Variants in MARCO observed in about 807,000 individuals in gnomAD.
MARCO encodes macrophage receptor with collagenous structure.
In MARCO, 72 loss-of-function variants were observed where a neutral mutation model predicts 70.0. The observed-to-expected ratio is 1.03, with a 90% CI of 0.85 to 1.25. The LOEUF (loss-of-function observed/expected upper bound fraction) is 1.25, where lower values mean the gene tolerates loss of function less well. MARCO is among the 50% of genes most tolerant of loss of function. MARCO has a pLI of 0.00. For missense variants in MARCO, 696 were observed against 659.3 expected, an observed-to-expected ratio of 1.06 and a Z score of -0.61; for synonymous variants, 273 against 243.1, an observed-to-expected ratio of 1.12 and a Z score of -1.14.
intron 9 of MARCO, 46 bp from the exon 10 acceptor site, chr2:118,981,575 T>C: frequency 6.3e-7 from 1 of 1,594,248 alleles, no homozygotes; most frequent in Non-Finnish European, 8.6e-7. Context: ...TCTGGCTGGC[T>C]GAGCCAAAGG....
intron 1 of MARCO, among the ~76,000 whole-genome samples, chr2:118,948,741 T>A (rs981508612): frequency 3.3e-5 from 5 of 152,234 alleles, no homozygotes; most frequent in Non-Finnish European, 5.9e-5. Flanking sequence ...TGGTACAACA[T>A]AATACTTAAG....
At chr2:118,949,840 T>C (rs1276083028) in intron 1 of MARCO, 5 of 152,184 alleles carry the variant, frequency 3.3e-5, no homozygotes, top group Non-Finnish European at 4.4e-5. Context: ...GTTTCCCTTC[T>C]TTCTATCCTT....
At chr2:118,989,754 C>G (rs1313649079) in intron 12 of MARCO, among the ~76,000 whole-genome samples, 1 of 152,224 alleles carries the variant, frequency 6.6e-6, no homozygotes, top group African/African-American at 2.4e-5. Context: ...GTGTTCCCCT[C>G]ATTACCCTCT....
At chr2:118,978,454 G>A (rs180803086) in intron 8 of MARCO, among the ~76,000 whole-genome samples, 1 of 152,336 alleles carries the variant, frequency 6.6e-6, no homozygotes. Flanking sequence ...ATGAAGGTCT[G>A]TGCACCACAC....
chr2:118,979,337 C>T (rs187125486), intron 8 of MARCO, among the ~76,000 whole-genome samples: 246 of 152,160 alleles, frequency 1.6e-3, no homozygotes, highest in African/African-American at 5.8e-3. Context: ...TGATGAAGTG[C>T]GTGGGCATGG....
At chr2:118,984,239 C>T (rs1680445662) in intron 12 of MARCO, among the ~76,000 whole-genome samples, 1 of 152,226 alleles carries the variant, frequency 6.6e-6, no homozygotes, top group African/African-American at 2.4e-5. Flanking sequence ...AAGGTAGCAG[C>T]TTGTTCCATT....
intron 1 of MARCO, among the ~76,000 whole-genome samples, chr2:118,955,715 A>C (rs777029424): frequency 6.6e-6 from 1 of 152,218 alleles, no homozygotes; most frequent in Non-Finnish European, 1.5e-5. Context: ...AGCACAAGGT[A>C]ACCTATAAAG....
intron 16 of MARCO, among the ~76,000 whole-genome samples, chr2:118,993,510 G>C (rs1473035612): frequency 6.6e-6 from 1 of 152,222 alleles, no homozygotes. Flanking sequence ...CTTCTCCAGC[G>C]CTGACAGTGA....
At chr2:118,952,282 C>T (rs1679737195) in intron 1 of MARCO, among the ~76,000 whole-genome samples, 1 of 152,128 alleles carries the variant, frequency 6.6e-6, no homozygotes, top group Non-Finnish European at 1.5e-5. Flanking sequence ...GGAGGTTGAC[C>T]TGGTTTCTCC....
intron 1 of MARCO, among the ~76,000 whole-genome samples, chr2:118,954,330 G>T (rs1266376361): frequency 6.6e-6 from 1 of 152,120 alleles, no homozygotes; most frequent in Non-Finnish European, 1.5e-5. Context: ...GCATGACTCA[G>T]CAGAGGCAGC....
intron 1 of MARCO, among the ~76,000 whole-genome samples, chr2:118,965,324 A>G (rs772223543): frequency 2.6e-5 from 4 of 152,160 alleles, no homozygotes; most frequent in African/African-American, 9.7e-5. Flanking sequence ...CCTCTGTCAC[A>G]TCTATTACAC....
intron 1 of MARCO, among the ~76,000 whole-genome samples, chr2:118,968,150 G>A (rs1031957780): frequency 6.6e-6 from 1 of 152,210 alleles, no homozygotes; most frequent in African/African-American, 2.4e-5. Flanking sequence ...TGAGCAGTAG[G>A]AACTGCAGGG....
chr2:118,981,056 G>C (rs149709088), intron 8 of MARCO, among the ~76,000 whole-genome samples: 4 of 152,240 alleles, frequency 2.6e-5, no homozygotes, highest in Admixed American at 6.5e-5. Flanking sequence ...GGAATACTCA[G>C]GTTTCAATTT....
rs1558671772 is a variant in MARCO at position 118,986,676 on chromosome 2, AG to A, written c.1064-3912del. ...AAGAAGGAAGGAAGGAAGGAAGGAA[AG>A]AAAGAAAGAAAGAAAGAAAGAAAGA... On this transcript the variant is annotated intron_variant, in intron 12 of 16. Coordinates refer to ENST00000327097, the MANE Select transcript of MARCO (RefSeq NM_006770.4). 6.7e-5 allele frequency among the ~76,000 whole-genome samples: 3 copies of A among 44,898 alleles called. 1 individual carries two copies. The highest frequency in any genetic ancestry group is 3.7e-4 in the African/African-American group (3 of 8,006). The allele number at this position is 44,898 out of a possible 152,430, so 29.5% of individuals were successfully genotyped here.
chr2:118,981,824 C>T (rs547577399), intron 10 of MARCO, among the ~76,000 whole-genome samples, 168 bp downstream of exon 10: 8 of 152,274 alleles, frequency 5.3e-5, no homozygotes, highest in African/African-American at 9.6e-5. Flanking sequence ...AGCCAGTGGG[C>T]GGTGGGGGCA....
At chr2:118,979,382 AG>A (rs1419970441) in intron 8 of MARCO, among the ~76,000 whole-genome samples, 1 of 152,034 alleles carries the variant, frequency 6.6e-6, no homozygotes, top group Non-Finnish European at 1.5e-5. Flanking sequence ...GGAGGGGAGG[AG>A]GGGCTGCAGA....
intron 12 of MARCO, among the ~76,000 whole-genome samples, chr2:118,985,815 C>T (rs1680473413): frequency 6.6e-6 from 1 of 152,182 alleles, no homozygotes; most frequent in Non-Finnish European, 1.5e-5. Flanking sequence ...AACTCCAAAA[C>T]ACCAATCTGA....
intron 1 of MARCO, among the ~76,000 whole-genome samples, chr2:118,957,830 G>A (rs1439911187): frequency 6.6e-6 from 1 of 152,084 alleles, no homozygotes; most frequent in Non-Finnish European, 1.5e-5. Flanking sequence ...TAGCAGGGGT[G>A]CAGGGATGGT....
intron 1 of MARCO, chr2:118,949,641 A>T (rs1679680613): frequency 7.0e-5 from 1 of 14,190 alleles, no homozygotes; most frequent in South Asian, 2.0e-3. Context: ...AGGAAAGGAA[A>T]GGAAAAAGAT....
Sources: gnomAD v4.1 joint callset for allele counts (sites outside exome capture counted in the v4.1 genomes callset) on GRCh38, gnomAD v4.1.1 for gene constraint, MANE v1.5 for transcripts, NCBI Gene and HGNC (gene_info 2026-07-23, HGNC 2026-07-21) for gene names.